The following OR1J2 variants were observed in gnomAD, a reference collection of about 807,000 sequenced individuals.
The protein encoded by OR1J2 is olfactory receptor 1J2.
For missense variants in OR1J2, 304 were observed against 246.1 expected, an observed-to-expected ratio of 1.24 and a Z score of -1.57; for synonymous variants, 142 against 99.7, an observed-to-expected ratio of 1.42 and a Z score of -2.52.
the OR1J2 span, among the ~76,000 whole-genome samples, chr9:122,449,970 C>CCA: frequency 6.6e-6 from 1 of 152,034 alleles, no homozygotes; most frequent in Non-Finnish European, 1.5e-5. Context: ...TACTTCTTTG[C>CCA]CATATGTTCC....
the OR1J2 span, among the ~76,000 whole-genome samples, chr9:122,558,883 G>A: frequency 6.6e-6 from 1 of 151,350 alleles, no homozygotes; most frequent in Non-Finnish European, 1.5e-5. Flanking sequence ...CTTATAATGT[G>A]GAAGTTTCAT....
At chr9:122,499,127 T>C in the OR1J2 span, among the ~76,000 whole-genome samples, 1 of 152,200 alleles carries the variant, frequency 6.6e-6, no homozygotes, top group Non-Finnish European at 1.5e-5. Flanking sequence ...GGCCTGTGGG[T>C]TGAGCCATGA....
the OR1J2 span, chr9:122,527,194 G>T: frequency 6.2e-7 from 1 of 1,614,094 alleles, no homozygotes. Context: ...AAGGTGACAA[G>T]ATACATACAC....
chr9:122,540,936 G>A, the OR1J2 span, among the ~76,000 whole-genome samples: 4 of 151,444 alleles, frequency 2.6e-5, no homozygotes, highest in African/African-American at 7.2e-5. Flanking sequence ...TTGGTGTATA[G>A]GAATGCTTGT....
At chr9:122,553,945 G>A in the OR1J2 span, 2 of 1,613,902 alleles carry the variant, frequency 1.2e-6, no homozygotes, top group Non-Finnish European at 1.7e-6. Flanking sequence ...TCTACCTGTG[G>A]TTCTCATCTC....
At chr9:122,514,275 T>A (rs1828672518), downstream of OR1J2, among the ~76,000 whole-genome samples, 1 of 152,120 alleles carries the variant, frequency 6.6e-6, no homozygotes, top group Non-Finnish European at 1.5e-5. Flanking sequence ...CAATAGTTGG[T>A]TTTTCAACCT....
the OR1J2 span, among the ~76,000 whole-genome samples, chr9:122,469,942 G>A: frequency 6.6e-6 from 1 of 152,210 alleles, no homozygotes; most frequent in Admixed American, 6.5e-5. Flanking sequence ...CTCAAGAGGT[G>A]ACTGGGGTGC....
At chr9:122,548,589 T>TTATATATATATATATATATATATATA in the OR1J2 span, among the ~76,000 whole-genome samples, 90 of 151,252 alleles carry the variant, frequency 6.0e-4, no homozygotes, top group Admixed American at 1.1e-3. Flanking sequence ...TTTAAAATTT[T>TTATATATATATATATATATATATATA]TATATATATA....
the OR1J2 span, among the ~76,000 whole-genome samples, chr9:122,494,717 C>G: frequency 6.6e-6 from 1 of 152,230 alleles, no homozygotes. Context: ...GTATTCTGTT[C>G]ATCATGCTAT....
chr9:122,554,156 T>C, the OR1J2 span: 27 of 1,609,642 alleles, frequency 1.7e-5, no homozygotes, highest in Non-Finnish European at 2.3e-5. Flanking sequence ...AAACATTCTT[T>C]TTATGATTAG....
At chr9:122,580,018 A>T in the OR1J2 span, among the ~76,000 whole-genome samples, 4 of 152,174 alleles carry the variant, frequency 2.6e-5, no homozygotes, top group African/African-American at 4.8e-5. Flanking sequence ...GTGCAACTGC[A>T]GCCCAACTAT....
At chr9:122,477,842 C>A in the OR1J2 span, 57 of 1,613,754 alleles carry the variant, frequency 3.5e-5, no homozygotes, top group Non-Finnish European at 4.5e-5. Context: ...AGGAACAGGG[C>A]GAAGAACACG....
At chr9:122,572,115 A>T in the OR1J2 span, among the ~76,000 whole-genome samples, 1 of 152,136 alleles carries the variant, frequency 6.6e-6, no homozygotes, top group Non-Finnish European at 1.5e-5. Flanking sequence ...AAACAAGTAG[A>T]TCTTGTGAAA....
the OR1J2 span, among the ~76,000 whole-genome samples, chr9:122,566,547 T>C: frequency 2.4e-4 from 36 of 152,326 alleles, no homozygotes; most frequent in East Asian, 5.6e-3. Flanking sequence ...TTTGATTCTT[T>C]GAACATGCTG....
At chr9:122,495,433 T>G in the OR1J2 span, among the ~76,000 whole-genome samples, 1 of 152,174 alleles carries the variant, frequency 6.6e-6, no homozygotes, top group Non-Finnish European at 1.5e-5. Context: ...TCAAAAGCCT[T>G]GTCTTTGAGC....
At chr9:122,498,953 G>A in the OR1J2 span, among the ~76,000 whole-genome samples, 1 of 152,204 alleles carries the variant, frequency 6.6e-6, no homozygotes, top group African/African-American at 2.4e-5. Flanking sequence ...ATATTGGGCT[G>A]TGCAGTTCAT....
chr9:122,539,144 T>G, the OR1J2 span, among the ~76,000 whole-genome samples: 1 of 152,164 alleles, frequency 6.6e-6, no homozygotes, highest in Non-Finnish European at 1.5e-5. Flanking sequence ...ATACTTTAAG[T>G]TTTAGGGTAC....
At chr9:122,456,468 C>T in the OR1J2 span, among the ~76,000 whole-genome samples, 31,807 of 152,156 alleles carry the variant, frequency 0.21, 4,252 homozygotes, top group Non-Finnish European at 0.3. Context: ...TTTATCTTAT[C>T]TTATTCTTTA....
the OR1J2 span, among the ~76,000 whole-genome samples, chr9:122,580,412 AACCATT>A: frequency 6.6e-6 from 1 of 152,230 alleles, no homozygotes; most frequent in Admixed American, 6.5e-5. Flanking sequence ...TTACAAATAA[AACCATT>A]GAATAATAAC....
Sources: allele counts gnomAD v4.1 joint callset (sites outside exome capture counted in the v4.1 genomes callset), GRCh38; gene constraint gnomAD v4.1.1; transcripts MANE v1.5; gene names NCBI Gene and HGNC (gene_info 2026-07-23, HGNC 2026-07-21).